The following HMBOX1 variants were observed in gnomAD, a reference collection of about 807,000 sequenced individuals.
HMBOX1 encodes homeobox-containing protein 1.
In HMBOX1, 14 loss-of-function variants were observed where a neutral mutation model predicts 54.5. That is an observed-to-expected ratio of 0.26 (90% CI 0.17 to 0.40). HMBOX1 has a LOEUF of 0.40. Among genes scored for constraint, HMBOX1 ranks in the 10% least tolerant of loss-of-function variants. HMBOX1 has a pLI of 1.00. For synonymous variants in HMBOX1, 160 were observed against 181.0 expected (o/e 0.88, Z 0.93); for missense variants, 332 against 514.4 (o/e 0.65, Z 3.43).
At chr8:28,940,085 C>A (rs952335922) in intron 1 of HMBOX1, among the ~76,000 whole-genome samples, 7 of 151,816 alleles carry the variant, frequency 4.6e-5, no homozygotes, top group African/African-American at 1.5e-4. Context: ...CTCGGCTCAC[C>A]GCATCCTCCA....
At chr8:28,960,753 C>CTTTTTTTTTTTTTTGTTTTTTTTTTTT (rs1023356056) in intron 1 of HMBOX1, among the ~76,000 whole-genome samples, 1 of 65,656 alleles carries the variant, frequency 1.5e-5, no homozygotes, top group Non-Finnish European at 2.9e-5. Flanking sequence ...TTCTCTTTTT[C>CTTTTTTTTTTTTTTGTTTTTTTTTTTT]TTTTTCTTTT....
chr8:28,983,480 C>T lies in HMBOX1; in HGVS notation c.586+3324C>T, dbSNP rs377378785. ...TGTTACCCTCATTTTAACTTCTTGACCAATTTAGTCCTTGCAGACCTCTCT... is the reference window on the plus strand; with the variant it reads ...TGTTACCCTCATTTTAACTTCTTGATCAATTTAGTCCTTGCAGACCTCTCT... On this transcript the variant is annotated intron_variant, in intron 4 of 9. Coordinates refer to ENST00000287701, the MANE Select transcript of HMBOX1 (RefSeq NM_001135726.3). Among the ~76,000 whole-genome samples, 12 of 152,286 alleles carry T rather than the reference C, an allele frequency of 7.9e-5. No homozygotes were observed. The East Asian group carries it at 1.9e-3, about 24-fold the overall frequency.
chr8:28,970,375 G>A lies in HMBOX1; in HGVS notation c.356G>A (p.Arg119Lys), dbSNP rs750295247. 8 of 1,614,048 alleles carry A rather than the reference G, an allele frequency of 5.0e-6. No individual in the cohort carries two copies. The African/African-American group carries it at 8.0e-5, about 16-fold the overall frequency. The change falls in exon 3 of 10, where the codon AGG becomes AAG. Residue 119 changes from arginine (R) to lysine (K), a missense_variant. This residue lies in a region of HMBOX1 where 146 missense variants were observed against 173.3 expected (regional missense o/e 0.84). Coordinates refer to ENST00000287701, the MANE Select transcript of HMBOX1 (RefSeq NM_001135726.3). This position sits in a 1 kb window ranked among gnomAD's most constrained non-coding sequence, Gnocchi z 4.3. ...CCTTGCACTACCAATCAAAATGGGA[G>A]GGAGAATAATGAGCGATTATCTACA... is the stretch of plus-strand genomic sequence containing the variant. ...PQPCTTNQNGRENNERLSTSN... is the reference protein window; with the variant it reads ...PQPCTTNQNGKENNERLSTSN...
chr8:28,999,476 C>T (rs1832320044), intron 4 of HMBOX1, among the ~76,000 whole-genome samples: 1 of 152,082 alleles, frequency 6.6e-6, no homozygotes, highest in Non-Finnish European at 1.5e-5. Flanking sequence ...AAATATTCTT[C>T]ACTTTTCTCT....
intron 1 of HMBOX1, among the ~76,000 whole-genome samples, chr8:28,921,750 T>TA (rs1235119117): frequency 2.0e-5 from 3 of 152,188 alleles, no homozygotes; most frequent in Non-Finnish European, 2.9e-5. Flanking sequence ...CTTATAAAAA[T>TA]AAAATAGTTA....
intron 1 of HMBOX1, among the ~76,000 whole-genome samples, chr8:28,913,189 GATGGATA>G (rs1266589115): frequency 6.6e-6 from 1 of 152,216 alleles, no homozygotes; most frequent in East Asian, 1.9e-4. Context: ...GGGATAGCAA[GATGGATA>G]ATGTTATCCT....
chr8:28,924,207 C>T lies in HMBOX1; in HGVS notation c.-58+33529C>T, dbSNP rs1355194362. Among the ~76,000 whole-genome samples the T allele has an allele frequency of 1.2e-4, 18 of 150,630 alleles. 1 individual carries two copies. The highest frequency in any genetic ancestry group is 8.0e-4 in the Admixed American group (12 of 15,094). On this transcript the variant is annotated intron_variant, in intron 1 of 9. Coordinates refer to ENST00000287701, the MANE Select transcript of HMBOX1 (RefSeq NM_001135726.3). ...CTGCAAGCTCCGCCTCCCGGGTTCA[C>T]GCCATTCTCCTGCCTCAGCCTCCCG... is the stretch of plus-strand genomic sequence containing the variant.
chr8:28,979,881 T>C (rs1368797027), intron 3 of HMBOX1, among the ~76,000 whole-genome samples, 190 bp from the exon 4 acceptor site: 2 of 152,234 alleles, frequency 1.3e-5, no homozygotes, highest in African/African-American at 4.8e-5. Flanking sequence ...TGTGATGTTT[T>C]AGGACTTGAA....
At chr8:28,911,031 A>G (rs2131664228) in intron 1 of HMBOX1, among the ~76,000 whole-genome samples, 1 of 152,156 alleles carries the variant, frequency 6.6e-6, no homozygotes, top group Middle Eastern at 3.4e-3. Flanking sequence ...TTCAAACCTG[A>G]TATTCTGGTG....
At chr8:29,025,538 T>A (rs1801887064) in intron 6 of HMBOX1, among the ~76,000 whole-genome samples, 1 of 152,216 alleles carries the variant, frequency 6.6e-6, no homozygotes, top group Non-Finnish European at 1.5e-5. Flanking sequence ...GTAGAATGCC[T>A]TTCTCATAAC....
At chr8:29,024,580 T>C (rs1282797460) in intron 6 of HMBOX1, among the ~76,000 whole-genome samples, 1 of 152,192 alleles carries the variant, frequency 6.6e-6, no homozygotes, top group African/African-American at 2.4e-5. Context: ...ATGTAAAATA[T>C]ATTTAAGTTA....
At chr8:28,981,320 T>C (rs1263919871) in intron 4 of HMBOX1, among the ~76,000 whole-genome samples, 1 of 152,154 alleles carries the variant, frequency 6.6e-6, no homozygotes, top group Non-Finnish European at 1.5e-5. Flanking sequence ...GTAGAAGTCT[T>C]ATACCAAAGG....
intron 1 of HMBOX1, among the ~76,000 whole-genome samples, chr8:28,960,767 T>TTC (rs1825398931): frequency 5.4e-5 from 1 of 18,590 alleles, no homozygotes; most frequent in African/African-American, 2.2e-4. Flanking sequence ...TTCTTTTTCT[T>TTC]TTTTTTTTTT....
intron 1 of HMBOX1, among the ~76,000 whole-genome samples, chr8:28,913,959 C>G (rs1816008216): frequency 6.6e-6 from 1 of 150,710 alleles, no homozygotes; most frequent in Non-Finnish European, 1.5e-5. Flanking sequence ...CAACCTGCAT[C>G]TCCCAAATTC....
intron 4 of HMBOX1, among the ~76,000 whole-genome samples, chr8:29,001,526 G>A (rs572861142): frequency 4.4e-4 from 66 of 151,492 alleles, no homozygotes; most frequent in African/African-American, 1.5e-3. Context: ...CTTCAGCCTC[G>A]GTAATAGAGC....
intron 3 of HMBOX1, among the ~76,000 whole-genome samples, chr8:28,971,925 G>A (rs1827495786): frequency 6.6e-6 from 1 of 152,132 alleles, no homozygotes. Flanking sequence ...AATAAAAATA[G>A]TACCTATAAG....
At chr8:29,030,643 T>C (rs976604029) in intron 6 of HMBOX1, among the ~76,000 whole-genome samples, 23 of 152,382 alleles carry the variant, frequency 1.5e-4, no homozygotes, top group African/African-American at 5.5e-4. Context: ...GTAGAGCCTT[T>C]GTTTTCTCTG....
At chr8:28,978,779 T>C (rs1586235961) in intron 3 of HMBOX1, among the ~76,000 whole-genome samples, 1 of 83,876 alleles carries the variant, frequency 1.2e-5, no homozygotes, top group African/African-American at 5.1e-5. Context: ...AGAGTGAGAC[T>C]CCGTCTCAAA....
chr8:28,951,823 A>C (rs1165461487), intron 1 of HMBOX1, among the ~76,000 whole-genome samples: 1 of 152,180 alleles, frequency 6.6e-6, no homozygotes, highest in East Asian at 1.9e-4. Context: ...TTGGGGAGCC[A>C]CTTTTTAAGA....
Sources: gnomAD v4.1 joint callset for allele counts (sites outside exome capture counted in the v4.1 genomes callset) on GRCh38, gnomAD v4.1.1 for gene constraint, gnomAD v4.1.1 regional missense constraint, Gnocchi (gnomAD v3.1) non-coding constraint, MANE v1.5 for transcripts, NCBI Gene and HGNC (gene_info 2026-07-23, HGNC 2026-07-21) for gene names.